Variants in PCDHA2 observed in about 807,000 individuals in gnomAD.
PCDHA2 encodes the protein protocadherin alpha 2.
In PCDHA2, 58 loss-of-function variants were observed where a neutral mutation model predicts 66.0. The ratio of observed to expected loss-of-function variants is 0.88; its 90% CI spans 0.71 to 1.09. The LOEUF (loss-of-function observed/expected upper bound fraction) is 1.09, where lower values mean the gene tolerates loss of function less well. Among genes scored for constraint, PCDHA2 ranks in the 50% least tolerant of loss-of-function variants. The probability of loss-of-function intolerance (pLI) is 0.00; values close to 1 mark genes in which losing one functional copy is unlikely to be tolerated. For missense variants in PCDHA2, 1,267 were observed against 1,242.3 expected, an observed-to-expected ratio of 1.02 and a Z score of -0.30; for synonymous variants, 634 against 554.0, an observed-to-expected ratio of 1.14 and a Z score of -2.03.
At position 140,849,922 on chromosome 5, in the gene PCDHA2, C is replaced by A. The variant is rs140735832; in HGVS notation, c.2388+52570C>A. The stretch of plus-strand genomic sequence containing the variant: ...AACCCGCCGGGCTGCCACATCTTCA[C>A]GGTGTCTGCGCGGGACGCTGACGCG... On this transcript the variant is annotated intron_variant, in intron 1 of 3. Transcript: ENST00000526136. 10 of 1,598,214 alleles carry A rather than the reference C, an allele frequency of 6.3e-6. 1 individual carries two copies. In the South Asian group the frequency reaches 9.9e-5, roughly 16 times the overall value.
chr5:140,818,563 A>G (rs974251332), intron 1 of PCDHA2, among the ~76,000 whole-genome samples: 1 of 152,228 alleles, frequency 6.6e-6, no homozygotes, highest in African/African-American at 2.4e-5. Context: ...CAGGCCAGGC[A>G]TGGTGGCTCA....
chr5:140,857,141 G>A, intron 1 of PCDHA2: 3 of 1,598,268 alleles, frequency 1.9e-6, no homozygotes, highest in Non-Finnish European at 2.6e-6. Flanking sequence ...TGCTCAAGTG[G>A]GCACCGTCAT....
chr5:140,855,092 T>A (rs2043336220), intron 1 of PCDHA2, among the ~76,000 whole-genome samples: 1 of 149,960 alleles, frequency 6.7e-6, no homozygotes, highest in Admixed American at 6.7e-5. Context: ...TCTCAGCCTG[T>A]GCAGTAGCAA....
In PCDHA2 at chr5:140,850,628, G is replaced by A. The variant is rs2150491387; in HGVS notation, c.2388+53276G>A. The stretch of plus-strand genomic sequence containing the variant: ...CCATCTGCGCGGTGTCTAGCCTGTT[G>A]GTTCTCACGCTGCTGCTGTACACTG... On this transcript the variant is annotated intron_variant, in intron 1 of 3. Coordinates refer to ENST00000526136, the MANE Select transcript of PCDHA2 (RefSeq NM_018905.3). 2.4e-5 allele frequency: 38 copies of A among 1,598,590 alleles called. 4 individuals carry two copies. In the Middle Eastern group the frequency reaches 1.3e-3, roughly 56 times the overall value.
At chr5:140,869,418 C>T in intron 1 of PCDHA2, 2 of 1,614,174 alleles carry the variant, frequency 1.2e-6, no homozygotes, top group Middle Eastern at 1.6e-4. Context: ...GCAGCATCCA[C>T]CTGGAGGTGA....
chr5:140,815,952 G>A (rs1046719441), intron 1 of PCDHA2: 1 of 152,178 alleles, frequency 6.6e-6, no homozygotes, highest in Non-Finnish European at 1.5e-5. Context: ...TACTGGTAGA[G>A]TTAGGGGTGT....
At chr5:141,001,822 TGACAGAGAGGGA>T (rs541215764) in intron 3 of PCDHA2, among the ~76,000 whole-genome samples, 203 of 152,310 alleles carry the variant, frequency 1.3e-3, no homozygotes, top group African/African-American at 4.5e-3. Context: ...GGCCAAATTC[TGACAGAGAGGGA>T]GACAGAGAGA....
intron 1 of PCDHA2, chr5:140,806,954 G>A: frequency 3.4e-6 from 2 of 592,246 alleles, no homozygotes; most frequent in African/African-American, 1.9e-5. Flanking sequence ...GTGTGTGGGG[G>A]TTTCCACAAT....
chr5:140,832,440 C>T (rs1771990436), intron 1 of PCDHA2, among the ~76,000 whole-genome samples: 1 of 152,038 alleles, frequency 6.6e-6, no homozygotes, highest in Non-Finnish European at 1.5e-5. Context: ...AATTTTTAAG[C>T]GTGTAATTAA....
intron 1 of PCDHA2, chr5:140,842,567 G>A: frequency 1.3e-6 from 2 of 1,504,984 alleles, no homozygotes; most frequent in Non-Finnish European, 1.8e-6. Context: ...CCTGGACCGC[G>A]AGAGAGTGTC....
At chr5:140,829,959 G>T (rs1206602805) in intron 1 of PCDHA2, 2 of 1,613,960 alleles carry the variant, frequency 1.2e-6, no homozygotes, top group Non-Finnish European at 1.7e-6. Flanking sequence ...TTCCCGTTTC[G>T]CGTGGGGCTG....
chr5:140,883,504 C>A, intron 1 of PCDHA2: 1 of 1,614,172 alleles, frequency 6.2e-7, no homozygotes, highest in Non-Finnish European at 8.5e-7. Context: ...TGGACAGCGC[C>A]CTGGACCGCG....
intron 1 of PCDHA2, among the ~76,000 whole-genome samples, chr5:140,838,485 T>G (rs1233460301): frequency 1.3e-5 from 2 of 151,892 alleles, no homozygotes; most frequent in Non-Finnish European, 2.9e-5. Flanking sequence ...TGTTTTTGAT[T>G]ATTTGCTTTC....
chr5:140,961,647 G>C (rs1204313600), intron 1 of PCDHA2, among the ~76,000 whole-genome samples: 10 of 152,104 alleles, frequency 6.6e-5, no homozygotes, highest in African/African-American at 2.4e-4. Flanking sequence ...AAGTCTATGT[G>C]GTTAGTTTGA....
At chr5:140,838,075 ATAGTGTGTGTGTGT>A (rs1322257119) in intron 1 of PCDHA2, among the ~76,000 whole-genome samples, 7,901 of 128,220 alleles carry the variant, frequency 0.062, 356 homozygotes, top group Middle Eastern at 0.073. Flanking sequence ...TTATATATAT[ATAGTGTGTGTGTGT>A]GTGTGTGTGT....
At chr5:140,948,823 A>G (rs1554218722) in intron 1 of PCDHA2, among the ~76,000 whole-genome samples, 2 of 151,238 alleles carry the variant, frequency 1.3e-5, no homozygotes, top group African/African-American at 4.8e-5. Flanking sequence ...TATTTCATTA[A>G]TTTCTGCTTT....
At chr5:140,842,093 G>C (rs145495287) in intron 1 of PCDHA2, 1 of 1,613,850 alleles carries the variant, frequency 6.2e-7, no homozygotes, top group Non-Finnish European at 8.5e-7. Context: ...CGCAGACAAC[G>C]GAACAACAGT....
chr5:140,965,012 C>T (rs1405445486), intron 1 of PCDHA2, among the ~76,000 whole-genome samples: 2 of 152,188 alleles, frequency 1.3e-5, no homozygotes, highest in African/African-American at 4.8e-5. Flanking sequence ...GTCAGGATCA[C>T]AACCTTGGCT....
intron 3 of PCDHA2, among the ~76,000 whole-genome samples, chr5:140,995,639 A>G (rs1410943855): frequency 6.6e-6 from 1 of 152,190 alleles, no homozygotes; most frequent in Non-Finnish European, 1.5e-5. Context: ...TGGAGTGTTT[A>G]GAAAAGGAGA....
Sources: allele counts gnomAD v4.1 joint callset (sites outside exome capture counted in the v4.1 genomes callset), GRCh38; gene constraint gnomAD v4.1.1; transcripts MANE v1.5; gene names NCBI Gene and HGNC (gene_info 2026-07-23, HGNC 2026-07-21).